The following HEMK2 variants were observed in gnomAD, a reference collection of about 807,000 sequenced individuals.
HEMK2 encodes the protein methyltransferase HEMK2.
the HEMK2 span, among the ~76,000 whole-genome samples, chr21:28,785,711 T>C: frequency 1.3e-5 from 2 of 152,082 alleles, no homozygotes; most frequent in Non-Finnish European, 2.9e-5. Context: ...CAAATCATCC[T>C]CATAGCCCCA....
At chr21:28,841,269 ATT>A in the HEMK2 span, among the ~76,000 whole-genome samples, 1 of 4,644 alleles carries the variant, frequency 2.2e-4, no homozygotes, top group Non-Finnish European at 3.0e-4. Flanking sequence ...TATAATATAT[ATT>A]ATATATTATA....
At chr21:28,596,635 T>G in the HEMK2 span, among the ~76,000 whole-genome samples, 2 of 152,330 alleles carry the variant, frequency 1.3e-5, no homozygotes, top group Admixed American at 6.5e-5. Flanking sequence ...TCTTGATTTA[T>G]TTTTCTTTTG....
chr21:28,614,095 C>T, the HEMK2 span, among the ~76,000 whole-genome samples: 3 of 152,176 alleles, frequency 2.0e-5, no homozygotes, highest in African/African-American at 7.2e-5. Context: ...AATTCCTTTC[C>T]CTCTCTTTTC....
At chr21:28,629,880 G>C in the HEMK2 span, among the ~76,000 whole-genome samples, 1 of 151,956 alleles carries the variant, frequency 6.6e-6, no homozygotes, top group Non-Finnish European at 1.5e-5. Context: ...TGGTCCAGAG[G>C]GAATCAGTAC....
At chr21:28,885,256 A>G in the HEMK2 span, 3 of 1,593,496 alleles carry the variant, frequency 1.9e-6, no homozygotes, top group African/African-American at 4.0e-5. Flanking sequence ...CCAAAAGCAG[A>G]AACGTGTCCT....
At chr21:28,797,594 G>A in the HEMK2 span, among the ~76,000 whole-genome samples, 3 of 151,732 alleles carry the variant, frequency 2.0e-5, no homozygotes, top group African/African-American at 7.3e-5. Context: ...CAGCCTGGGT[G>A]ACAGTATGAG....
chr21:28,708,277 C>G, the HEMK2 span, among the ~76,000 whole-genome samples: 3 of 150,884 alleles, frequency 2.0e-5, no homozygotes, highest in African/African-American at 7.3e-5. Flanking sequence ...ACTTAAAGAT[C>G]TTTTGAAAAT....
chr21:28,627,999 G>GT, the HEMK2 span, among the ~76,000 whole-genome samples: 12 of 152,206 alleles, frequency 7.9e-5, no homozygotes, highest in East Asian at 2.3e-3. Context: ...AGAAAATTCT[G>GT]TAACAGGGCT....
chr21:28,658,896 G>A, the HEMK2 span, among the ~76,000 whole-genome samples: 2 of 152,030 alleles, frequency 1.3e-5, no homozygotes, highest in Admixed American at 6.6e-5. Flanking sequence ...ACCTGCGTCT[G>A]ATCTCGATTC....
the HEMK2 span, among the ~76,000 whole-genome samples, chr21:28,784,571 C>G: frequency 1.4e-5 from 2 of 146,594 alleles, no homozygotes; most frequent in Non-Finnish European, 3.0e-5. Context: ...CAATCAGCAC[C>G]CTGTGTCTAG....
the HEMK2 span, among the ~76,000 whole-genome samples, chr21:28,714,081 A>G: frequency 6.6e-6 from 1 of 152,178 alleles, no homozygotes; most frequent in South Asian, 2.1e-4. Flanking sequence ...AGTTGTCTTC[A>G]TGTTAAGAGT....
the HEMK2 span, among the ~76,000 whole-genome samples, chr21:28,737,758 C>T: frequency 0.17 from 26,031 of 152,120 alleles, 2,583 homozygotes; most frequent in East Asian, 0.25. Context: ...CACTTCACTG[C>T]TCTCATATCT....
At chr21:28,781,247 C>A in the HEMK2 span, among the ~76,000 whole-genome samples, 1 of 152,178 alleles carries the variant, frequency 6.6e-6, no homozygotes, top group East Asian at 1.9e-4. Flanking sequence ...CCTATCAACT[C>A]AAAGTACTCC....
chr21:28,794,443 G>A, the HEMK2 span, among the ~76,000 whole-genome samples: 2 of 152,212 alleles, frequency 1.3e-5, no homozygotes. Flanking sequence ...CAACAGGAAT[G>A]TTTATGAGTT....
At chr21:28,617,985 A>G in the HEMK2 span, among the ~76,000 whole-genome samples, 3 of 152,002 alleles carry the variant, frequency 2.0e-5, no homozygotes. Context: ...ATGGAGTTTC[A>G]CTATGTTGCC....
At chr21:28,809,650 G>T in the HEMK2 span, among the ~76,000 whole-genome samples, 501 of 152,232 alleles carry the variant, frequency 3.3e-3, 6 homozygotes, top group African/African-American at 0.012. Context: ...CTTAATATAA[G>T]GCTGATACAT....
chr21:28,792,667 T>C, the HEMK2 span, among the ~76,000 whole-genome samples: 14 of 152,184 alleles, frequency 9.2e-5, no homozygotes, highest in Non-Finnish European at 1.8e-4. Flanking sequence ...AACAGCTGTG[T>C]ATTGAACCTC....
chr21:28,865,667 A>G, the HEMK2 span, among the ~76,000 whole-genome samples: 1 of 152,062 alleles, frequency 6.6e-6, no homozygotes, highest in East Asian at 1.9e-4. Flanking sequence ...CTCCCTGAAT[A>G]TGCTGGACTC....
the HEMK2 span, among the ~76,000 whole-genome samples, chr21:28,766,910 T>C: frequency 0.34 from 52,073 of 151,488 alleles, 10,795 homozygotes; most frequent in African/African-American, 0.58. Context: ...GTACACTGCT[T>C]GGGCAATGGG....
Sources: gnomAD v4.1 joint callset for allele counts (sites outside exome capture counted in the v4.1 genomes callset) on GRCh38, gnomAD v4.1.1 for gene constraint, MANE v1.5 for transcripts, NCBI Gene and HGNC (gene_info 2026-07-23, HGNC 2026-07-21) for gene names.